CSMD1: variants seen among roughly 807,000 people sequenced by gnomAD.
CSMD1 encodes the protein CUB and sushi domain-containing protein 1.
CSMD1 carries 213 observed loss-of-function variants against 417.5 expected under a neutral mutation model. That is an observed-to-expected ratio of 0.51 (90% CI 0.46 to 0.57). The LOEUF (loss-of-function observed/expected upper bound fraction) is 0.57, where lower values mean the gene tolerates loss of function less well. Among genes scored for constraint, CSMD1 ranks in the 20% least tolerant of loss-of-function variants. The probability of loss-of-function intolerance (pLI) is 0.00; values close to 1 mark genes in which losing one functional copy is unlikely to be tolerated. For missense variants in CSMD1, 6,923 were observed against 4,529.7 expected (o/e 1.53, Z -15.17); for synonymous variants, 2,862 against 1,736.8 (o/e 1.65, Z -16.11).
intron 23 of CSMD1, among the ~76,000 whole-genome samples, chr8:3,324,004 C>A (rs1165367271): frequency 1.4e-5 from 2 of 139,920 alleles, no homozygotes; most frequent in South Asian, 2.4e-4. Context: ...ACACATCTAA[C>A]CCCCAGAGAC....
intron 10 of CSMD1, among the ~76,000 whole-genome samples, chr8:3,522,697 T>C (rs1797557862): frequency 1.3e-5 from 2 of 152,052 alleles, no homozygotes; most frequent in South Asian, 4.1e-4. Flanking sequence ...GTCGTCCCGG[T>C]ACATTCACAC....
intron 7 of CSMD1, among the ~76,000 whole-genome samples, chr8:3,630,635 G>C (rs1796735288): frequency 1.3e-5 from 2 of 152,188 alleles, no homozygotes; most frequent in South Asian, 2.1e-4. Flanking sequence ...AGTGAGGGTT[G>C]AAGGGCAGCA....
At chr8:3,067,309 G>A (rs927723303) in intron 49 of CSMD1, among the ~76,000 whole-genome samples, 3 of 152,000 alleles carry the variant, frequency 2.0e-5, no homozygotes, top group Non-Finnish European at 2.9e-5. Flanking sequence ...CTTCCTTTGT[G>A]CCTCAAATGC....
chr8:3,504,859 A>G (rs1796756766), intron 10 of CSMD1, among the ~76,000 whole-genome samples: 1 of 152,172 alleles, frequency 6.6e-6, no homozygotes, highest in Admixed American at 6.5e-5. Flanking sequence ...GTCATGTGAA[A>G]ATGATAGTGG....
chr8:4,414,574 CTT>C (rs1287512976), intron 3 of CSMD1, among the ~76,000 whole-genome samples: 2 of 152,004 alleles, frequency 1.3e-5, no homozygotes, highest in Admixed American at 6.6e-5. Context: ...CATATAATCT[CTT>C]TATCTTTAAA....
At chr8:4,741,751 C>G (rs192772705) in intron 1 of CSMD1, among the ~76,000 whole-genome samples, 1 of 152,104 alleles carries the variant, frequency 6.6e-6, no homozygotes, top group East Asian at 1.9e-4. Flanking sequence ...AGTGGAGAGT[C>G]TCAGGCCCCA....
Position 3,638,001 on chromosome 8 carries a change from G to C in CSMD1, c.1010-21204C>G, listed in dbSNP as rs1049220229. ...CCTCCTCAGTTATGTGGAACCATGA[G>C]TCCATTAAACCTATTTTTCATTATA... On this transcript the variant is annotated intron_variant, in intron 7 of 69. Transcript: ENST00000635120. Among the ~76,000 whole-genome samples, 6 of 152,276 alleles carry C rather than the reference G, an allele frequency of 3.9e-5. No individual in the cohort carries two copies. The South Asian group carries it at 8.3e-4, about 21-fold the overall frequency.
intron 5 of CSMD1, among the ~76,000 whole-genome samples, chr8:3,921,205 T>G (rs186272073): frequency 3.9e-5 from 6 of 152,250 alleles, no homozygotes; most frequent in Non-Finnish European, 5.9e-5. Context: ...TTATCCACAT[T>G]TTGCGTATAT....
At chr8:4,227,504 C>G (rs551015114) in intron 3 of CSMD1, among the ~76,000 whole-genome samples, 3 of 151,998 alleles carry the variant, frequency 2.0e-5, no homozygotes, top group Non-Finnish European at 2.9e-5. Flanking sequence ...GCTGGAGGAG[C>G]GCATTAAATC....
chr8:3,202,761 C>G (rs1008157912), intron 31 of CSMD1, among the ~76,000 whole-genome samples: 2 of 152,108 alleles, frequency 1.3e-5, no homozygotes, highest in African/African-American at 4.8e-5. Flanking sequence ...AGTGTGTGTG[C>G]CCATGTGTGT....
At chr8:4,193,363 G>A (rs1050678130) in intron 3 of CSMD1, among the ~76,000 whole-genome samples, 1 of 152,200 alleles carries the variant, frequency 6.6e-6, no homozygotes, top group Non-Finnish European at 1.5e-5. Context: ...TATACTGCCA[G>A]TTTAAATGTA....
intron 3 of CSMD1, among the ~76,000 whole-genome samples, chr8:4,358,339 A>G (rs548264601): frequency 6.6e-6 from 1 of 152,338 alleles, no homozygotes; most frequent in East Asian, 1.9e-4. Flanking sequence ...TGTAAGGCCC[A>G]TGAGCTTAGA....
At chr8:4,241,894 G>A (rs1232677267) in intron 3 of CSMD1, among the ~76,000 whole-genome samples, 1 of 152,016 alleles carries the variant, frequency 6.6e-6, no homozygotes, top group South Asian at 2.1e-4. Context: ...AGAATGCAAG[G>A]CATAAAGACA....
At chr8:3,452,798 C>G (rs1296074460) in intron 12 of CSMD1, among the ~76,000 whole-genome samples, 1 of 152,090 alleles carries the variant, frequency 6.6e-6, no homozygotes, top group Non-Finnish European at 1.5e-5. Context: ...TGTGTCTCTG[C>G]CAGGCTTTGG....
chr8:3,423,193 C>A (rs1451092011), intron 12 of CSMD1, among the ~76,000 whole-genome samples: 1 of 152,196 alleles, frequency 6.6e-6, no homozygotes, highest in Non-Finnish European at 1.5e-5. Context: ...TTTACCACGT[C>A]TAAATGAACA....
At chr8:4,330,675 C>T (rs965935482) in intron 3 of CSMD1, among the ~76,000 whole-genome samples, 2 of 151,828 alleles carry the variant, frequency 1.3e-5, no homozygotes, top group African/African-American at 4.8e-5. Flanking sequence ...TTAAGTTTTA[C>T]ACTCCTAGGT....
At chr8:4,325,416 T>G (rs868119590) in intron 3 of CSMD1, among the ~76,000 whole-genome samples, 11 of 152,266 alleles carry the variant, frequency 7.2e-5, no homozygotes, top group Middle Eastern at 3.4e-3. Context: ...TAGAAGGAAC[T>G]CTACAGAAGC....
intron 10 of CSMD1, among the ~76,000 whole-genome samples, chr8:3,568,291 T>C (rs1450589718): frequency 6.6e-6 from 1 of 152,194 alleles, no homozygotes; most frequent in Non-Finnish European, 1.5e-5. Context: ...GTCAGATCCA[T>C]GTGTGCTGTT....
chr8:3,598,989 G>A (rs919412648), intron 8 of CSMD1, among the ~76,000 whole-genome samples: 9 of 152,134 alleles, frequency 5.9e-5, no homozygotes, highest in African/African-American at 2.2e-4. Context: ...GCTGAGAGAG[G>A]AGAATTCCGT....
Sources: gnomAD v4.1 joint callset for allele counts (sites outside exome capture counted in the v4.1 genomes callset) on GRCh38, gnomAD v4.1.1 for gene constraint, MANE v1.5 for transcripts, NCBI Gene and HGNC (gene_info 2026-07-23, HGNC 2026-07-21) for gene names.